Variants in NREP observed in about 807,000 individuals in gnomAD.
NREP encodes neuronal regeneration-related protein.
A neutral mutation model predicts 8.6 loss-of-function variants in NREP; 5 were observed. That is an observed-to-expected ratio of 0.58 (90% confidence interval 0.30 to 1.22). The LOEUF (loss-of-function observed/expected upper bound fraction) is 1.22, where lower values mean the gene tolerates loss of function less well. Among genes scored for constraint, NREP ranks in the 50% most tolerant of loss-of-function variants. NREP has a pLI of 0.07. For missense variants in NREP, 86 were observed against 82.5 expected (o/e 1.04, Z -0.17); for synonymous variants, 27 against 28.0 (o/e 0.96, Z 0.11).
At chr5:111,908,758 G>A (rs1313230807) in intron 2 of NREP, among the ~76,000 whole-genome samples, 1 of 151,946 alleles carries the variant, frequency 6.6e-6, no homozygotes, top group Admixed American at 6.6e-5. Context: ...TATCTTTTAG[G>A]TAGAATGATT....
rs969763213 is a variant in NREP, at chr5:111,876,640, A to G, written c.135+98634T>C. On this transcript the variant is annotated intron_variant, in intron 2 of 3. Coordinates refer to the NREP transcript ENST00000395634. The stretch of plus-strand genomic sequence containing the variant: ...GCCAATGTGAGGAAAGACCATCATC[A>G]TTCTCTTATTTAAAAGTTGTGAGGA... 2.6e-5 allele frequency among the ~76,000 whole-genome samples: 4 copies of G among 152,350 alleles called. No homozygotes were observed. In the South Asian group the frequency reaches 8.3e-4, roughly 32 times the overall value.
intron 2 of NREP, among the ~76,000 whole-genome samples, chr5:111,863,408 T>C (rs1045900116): frequency 1.3e-5 from 2 of 152,120 alleles, no homozygotes; most frequent in Non-Finnish European, 2.9e-5. Flanking sequence ...AGTAGTTGGA[T>C]ACACAGATTT....
At chr5:111,735,200 T>A (rs1358913760) in intron 3 of NREP, 32 of 423,806 alleles carry the variant, frequency 7.6e-5, no homozygotes, top group Non-Finnish European at 4.3e-5. Flanking sequence ...ACTGATTCCA[T>A]GTTTTAAATG....
chr5:111,948,903 T>G (rs182469649), intron 2 of NREP: 1 of 152,130 alleles, frequency 6.6e-6, no homozygotes, highest in East Asian at 1.9e-4. Flanking sequence ...TGACCAAAAC[T>G]CATCCAGCAA....
At chr5:111,777,433 C>G (rs529842308) in intron 2 of NREP, among the ~76,000 whole-genome samples, 17 of 151,746 alleles carry the variant, frequency 1.1e-4, no homozygotes, top group African/African-American at 4.1e-4. Context: ...GAGAGGAAAC[C>G]GGGTAGCTCA....
At position 111,846,340 on chromosome 5, in the gene NREP, G is replaced by A. The variant is rs142088905; in HGVS notation, c.136-110833C>T. On this transcript the variant is annotated intron_variant, in intron 2 of 3. Coordinates refer to the NREP transcript ENST00000395634. Reference sequence around the variant, plus strand: ...AGAGGCTGGACTCTCCTCATTTTTAGTTTCTCTGTTTTCTGCAGGTAAATT... The same window carrying A: ...AGAGGCTGGACTCTCCTCATTTTTAATTTCTCTGTTTTCTGCAGGTAAATT... 2.1e-5 allele frequency: 3 copies of A among 143,522 alleles called. No individual in the cohort carries two copies. In the East Asian group the frequency reaches 6.4e-4, roughly 31 times the overall value. The allele number at this position is 143,522 out of a possible 1,614,324, so 8.9% of individuals were successfully genotyped here.
intron 2 of NREP, among the ~76,000 whole-genome samples, chr5:111,833,994 C>G (rs1027319558): frequency 1.3e-5 from 2 of 152,136 alleles, no homozygotes; most frequent in Admixed American, 6.6e-5. Flanking sequence ...GTTTTACTCC[C>G]TGTTATAAAA....
In NREP at chr5:111,754,363, T is replaced by C. The variant is rs886983304; in HGVS notation, c.3+1407A>G. ...AGTTTTGGTAGGGTCCATAGTCATA[T>C]TTATGTTTAAACTGGTCACCTGACA... On this transcript the variant is annotated intron_variant, in intron 2 of 3. Coordinates refer to ENST00000257435, the MANE Select transcript of NREP (RefSeq NM_004772.4). 7.2e-5 allele frequency among the ~76,000 whole-genome samples: 11 copies of C among 152,324 alleles called. No homozygotes were observed. The East Asian group carries it at 9.6e-4, about 13-fold the overall frequency.
chr5:111,882,411 A>G (rs1005914438), intron 2 of NREP, among the ~76,000 whole-genome samples: 4 of 152,338 alleles, frequency 2.6e-5, no homozygotes, highest in African/African-American at 7.2e-5. Context: ...ACTCTGCAGG[A>G]TATTATCCAG....
chr5:111,825,937 T>C (rs990424050), intron 2 of NREP, among the ~76,000 whole-genome samples: 1 of 151,732 alleles, frequency 6.6e-6, no homozygotes, highest in African/African-American at 2.4e-5. Flanking sequence ...TGTGGAAATA[T>C]AATCTTTTTG....
At chr5:111,882,069 T>G (rs1422829458) in intron 2 of NREP, among the ~76,000 whole-genome samples, 1 of 152,056 alleles carries the variant, frequency 6.6e-6, no homozygotes, top group Non-Finnish European at 1.5e-5. Context: ...GGCAAAGAAG[T>G]TCAAAACTTT....
At chr5:111,740,028 T>C (rs1332720952) in intron 2 of NREP, among the ~76,000 whole-genome samples, 1 of 150,624 alleles carries the variant, frequency 6.6e-6, no homozygotes, top group African/African-American at 2.4e-5. Flanking sequence ...AAAAAAAAAG[T>C]AGAGGGAAGG....
At chr5:111,793,515 G>T (rs977767886) in intron 2 of NREP, among the ~76,000 whole-genome samples, 1 of 152,130 alleles carries the variant, frequency 6.6e-6, no homozygotes, top group African/African-American at 2.4e-5. Context: ...GCTCTCAACA[G>T]ATTGGATCAT....
At chr5:111,896,316 T>G (rs1485723763) in intron 2 of NREP, among the ~76,000 whole-genome samples, 1 of 152,178 alleles carries the variant, frequency 6.6e-6, no homozygotes, top group African/African-American at 2.4e-5. Flanking sequence ...ATTGAGTGGA[T>G]AGTGGTCATT....
intron 2 of NREP, among the ~76,000 whole-genome samples, chr5:111,781,256 C>G (rs577618530): frequency 2.0e-5 from 3 of 152,218 alleles, no homozygotes; most frequent in African/African-American, 7.2e-5. Flanking sequence ...TTCTGAGGCT[C>G]GGTCAAAAAG....
At chr5:111,765,632 G>T (rs1161734159) in intron 2 of NREP, among the ~76,000 whole-genome samples, 3 of 152,194 alleles carry the variant, frequency 2.0e-5, no homozygotes, top group Admixed American at 6.5e-5. Context: ...AAGAAGTTTG[G>T]CTCCAGAATT....
chr5:111,886,104 A>C (rs1322976862), intron 2 of NREP, among the ~76,000 whole-genome samples: 1 of 152,188 alleles, frequency 6.6e-6, no homozygotes, highest in African/African-American at 2.4e-5. Flanking sequence ...AGAATCTACA[A>C]TGAACTCAAA....
chr5:111,915,742 C>T (rs550900960), intron 2 of NREP, among the ~76,000 whole-genome samples: 1 of 152,170 alleles, frequency 6.6e-6, no homozygotes, highest in African/African-American at 2.4e-5. Context: ...ACTTGCTCTC[C>T]CTACCTGTGA....
chr5:111,757,229 TGGGGG>T, upstream of NREP: 1 of 180,904 alleles, frequency 5.5e-6, no homozygotes, highest in Non-Finnish European at 7.2e-6. Context: ...AAAGACAGAT[TGGGGG>T]GGGAGGGGGG....
Sources: allele counts gnomAD v4.1 joint callset (sites outside exome capture counted in the v4.1 genomes callset), GRCh38; gene constraint gnomAD v4.1.1; transcripts MANE v1.5; gene names NCBI Gene and HGNC (gene_info 2026-07-23, HGNC 2026-07-21).